The following NEGR1 variants were observed in gnomAD, a reference collection of about 807,000 sequenced individuals.
NEGR1 encodes the protein IgLON family member 4.
In NEGR1, 10 loss-of-function variants were observed where a neutral mutation model predicts 40.9. The observed-to-expected ratio is 0.24, with a 90% CI of 0.15 to 0.42. NEGR1 has a LOEUF of 0.42. Ranked by LOEUF, NEGR1 falls within the 10% of genes least tolerant of loss-of-function variation. The probability of loss-of-function intolerance (pLI) is 1.00; values close to 1 mark genes in which losing one functional copy is unlikely to be tolerated. For missense variants in NEGR1, 352 were observed against 438.9 expected, an observed-to-expected ratio of 0.80 and a Z score of 1.77; for synonymous variants, 185 against 166.8, an observed-to-expected ratio of 1.11 and a Z score of -0.84.
intron 4 of NEGR1, among the ~76,000 whole-genome samples, chr1:71,671,606 C>T (rs1290196873): frequency 6.6e-6 from 1 of 152,126 alleles, no homozygotes; most frequent in Non-Finnish European, 1.5e-5. Context: ...CCAAGTTCAT[C>T]ACAATCTCAA....
At chr1:71,611,641 T>C (rs952317773) in intron 4 of NEGR1, among the ~76,000 whole-genome samples, 4 of 152,240 alleles carry the variant, frequency 2.6e-5, no homozygotes, top group African/African-American at 9.6e-5. Context: ...AGCTACTTAG[T>C]TGCAGAATTT....
At chr1:72,272,150 G>T (rs1411056676) in intron 1 of NEGR1, among the ~76,000 whole-genome samples, 1 of 151,638 alleles carries the variant, frequency 6.6e-6, no homozygotes, top group Non-Finnish European at 1.5e-5. Flanking sequence ...AAATTTCTGG[G>T]CTTAATTCTA....
chr1:72,111,364 T>G (rs997932599), intron 1 of NEGR1, among the ~76,000 whole-genome samples: 1 of 151,862 alleles, frequency 6.6e-6, no homozygotes, highest in Middle Eastern at 3.4e-3. Flanking sequence ...TTTTAGCATC[T>G]CATTCTGGGT....
intron 6 of NEGR1, among the ~76,000 whole-genome samples, chr1:71,441,123 A>T (rs1646544136): frequency 6.6e-6 from 1 of 152,236 alleles, no homozygotes; most frequent in Non-Finnish European, 1.5e-5. Context: ...ATCAGTACAA[A>T]TGAGGCCAAA....
intron 1 of NEGR1, among the ~76,000 whole-genome samples, chr1:72,204,041 A>G (rs754224289): frequency 2.2e-4 from 34 of 152,208 alleles, no homozygotes; most frequent in Admixed American, 5.2e-4. Context: ...CAGTATTGCG[A>G]TATTTGCTTT....
chr1:71,702,221 A>G (rs1460764466), intron 3 of NEGR1, among the ~76,000 whole-genome samples: 1 of 152,096 alleles, frequency 6.6e-6, no homozygotes, highest in African/African-American at 2.4e-5. Context: ...CCATTTATAC[A>G]TTCATTCAAT....
rs563489138 is a variant in NEGR1, at chr1:71,960,284, G to GA, written c.177-24974dup. 1.3e-3 allele frequency among the ~76,000 whole-genome samples: 203 copies of GA among 152,142 alleles called. 2 individuals carry two copies. The highest frequency in any genetic ancestry group is 4.8e-3 in the African/African-American group (201 of 41,548). ...ACATTTATTGACCACTTTCTATGGG[G>GA]AAAAAAATTGTGTTTGCCCTGGAAA... On this transcript the variant is annotated intron_variant, in intron 1 of 6. Transcript: ENST00000357731.
At chr1:71,649,317 A>G (rs1264493934) in intron 4 of NEGR1, among the ~76,000 whole-genome samples, 2 of 152,136 alleles carry the variant, frequency 1.3e-5, no homozygotes, top group African/African-American at 2.4e-5. Flanking sequence ...CTTAAAATGT[A>G]TATCTGATGA....
chr1:72,120,097 C>T (rs1185248133), intron 1 of NEGR1, among the ~76,000 whole-genome samples: 1 of 151,926 alleles, frequency 6.6e-6, no homozygotes, highest in Non-Finnish European at 1.5e-5. Context: ...TATCTCATAG[C>T]TAACCTATTT....
chr1:72,181,360 G>A (rs954429672), intron 1 of NEGR1, among the ~76,000 whole-genome samples: 1 of 152,116 alleles, frequency 6.6e-6, no homozygotes, highest in Non-Finnish European at 1.5e-5. Flanking sequence ...TCATCTGGAA[G>A]TCATCTCTTG....
intron 1 of NEGR1, among the ~76,000 whole-genome samples, chr1:72,256,901 A>G (rs10493495): frequency 0.049 from 7,414 of 152,250 alleles, 304 homozygotes; most frequent in East Asian, 0.16. Context: ...TGGAATGTGC[A>G]TATAAAATCC....
chr1:71,568,665 T>G (rs1022523505), intron 6 of NEGR1, among the ~76,000 whole-genome samples: 1 of 152,072 alleles, frequency 6.6e-6, no homozygotes, highest in Admixed American at 6.6e-5. Flanking sequence ...CATATATACA[T>G]CTATATACAT....
chr1:71,710,973 G>A (rs1392773588), intron 3 of NEGR1, among the ~76,000 whole-genome samples: 1 of 151,944 alleles, frequency 6.6e-6, no homozygotes, highest in Non-Finnish European at 1.5e-5. Context: ...TTGCATGTCT[G>A]TATCAAAATA....
At chr1:71,768,072 C>G (rs952564684) in intron 3 of NEGR1, among the ~76,000 whole-genome samples, 63 of 152,154 alleles carry the variant, frequency 4.1e-4, no homozygotes, top group Non-Finnish European at 8.4e-4. Context: ...AGGGGTGGAA[C>G]CTTCATGAAT....
chr1:71,710,590 G>C (rs147078764), intron 3 of NEGR1, among the ~76,000 whole-genome samples: 2 of 152,282 alleles, frequency 1.3e-5, no homozygotes, highest in Non-Finnish European at 2.9e-5. Context: ...GATGGAACTG[G>C]AGGTCATTAT....
At position 71,617,049 on chromosome 1, in the gene NEGR1, G is replaced by A. The variant is rs140504866; in HGVS notation, c.668-5903C>T. Among the ~76,000 whole-genome samples, 1,160 of 152,188 alleles carry A rather than the reference G, an allele frequency of 7.6e-3. 46 individuals are homozygous for A. Among genetic ancestry groups the A allele is most frequent in the Admixed American group, 0.062 (955 of 15,286 alleles). ...ACCTTGCATTAAAAGACAAGACTTT[G>A]GAGTTTTTCAAAAGGAAAAAAACAT... On this transcript the variant is annotated intron_variant, in intron 4 of 6. Transcript: ENST00000357731.
At chr1:72,094,013 A>C (rs2100227859) in intron 1 of NEGR1, among the ~76,000 whole-genome samples, 1 of 152,310 alleles carries the variant, frequency 6.6e-6, no homozygotes, top group South Asian at 2.1e-4. Context: ...TCCAGAAGTA[A>C]GTATTTTGAC....
At chr1:71,787,145 A>C (rs1465501975) in intron 2 of NEGR1, among the ~76,000 whole-genome samples, 1 of 152,204 alleles carries the variant, frequency 6.6e-6, no homozygotes, top group African/African-American at 2.4e-5. Flanking sequence ...CTTCTGAGTA[A>C]AACAAATAAT....
chr1:71,474,636 G>A (rs1303555635), intron 6 of NEGR1, among the ~76,000 whole-genome samples: 2 of 144,886 alleles, frequency 1.4e-5, no homozygotes, highest in African/African-American at 2.6e-5. Context: ...GCTTGAATAT[G>A]GTAGGCAGAG....
Sources: allele counts gnomAD v4.1 joint callset (sites outside exome capture counted in the v4.1 genomes callset), GRCh38; gene constraint gnomAD v4.1.1; transcripts MANE v1.5; gene names NCBI Gene and HGNC (gene_info 2026-07-23, HGNC 2026-07-21).